The following PRLR variants were observed in gnomAD, a reference collection of about 807,000 sequenced individuals.
PRLR encodes the protein prolactin receptor.
A neutral mutation model predicts 40.2 loss-of-function variants in PRLR; 13 were observed. That is an observed-to-expected ratio of 0.32 (90% CI 0.21 to 0.51). The LOEUF is 0.51. Ranked by LOEUF, PRLR falls within the 20% of genes least tolerant of loss-of-function variation. The pLI, the probability that PRLR is intolerant of heterozygous loss-of-function variation, is 0.97. For missense variants in PRLR, 656 were observed against 747.3 expected, an observed-to-expected ratio of 0.88 and a Z score of 1.42; for synonymous variants, 269 against 278.7, an observed-to-expected ratio of 0.97 and a Z score of 0.35.
At chr5:35,154,513 A>G (rs1353965010) in intron 1 of PRLR, among the ~76,000 whole-genome samples, 1 of 152,162 alleles carries the variant, frequency 6.6e-6, no homozygotes, top group Non-Finnish European at 1.5e-5. Flanking sequence ...GGTTGCAGAG[A>G]AAAAGGAAGG....
chr5:35,227,795 T>C (rs1479980156), intron 1 of PRLR, among the ~76,000 whole-genome samples: 1 of 152,178 alleles, frequency 6.6e-6, no homozygotes, highest in Non-Finnish European at 1.5e-5. Context: ...CTCTCTACAG[T>C]TTCTGAAGAT....
At chr5:35,078,484 C>A (rs569801542) in intron 5 of PRLR, among the ~76,000 whole-genome samples, 2 of 152,184 alleles carry the variant, frequency 1.3e-5, no homozygotes, top group East Asian at 3.9e-4. Context: ...GACGCGTACA[C>A]CCTCCCAAGA....
chr5:35,069,038 C>A (rs1769581752), intron 7 of PRLR, among the ~76,000 whole-genome samples, 160 bp from the exon 8 acceptor site: 1 of 152,118 alleles, frequency 6.6e-6, no homozygotes, highest in Non-Finnish European at 1.5e-5. Context: ...CAGGGCTATT[C>A]TCTTTTAAAT....
intron 1 of PRLR, among the ~76,000 whole-genome samples, chr5:35,142,598 T>C (rs1397448854): frequency 6.6e-6 from 1 of 152,234 alleles, no homozygotes; most frequent in Non-Finnish European, 1.5e-5. Flanking sequence ...AGGAAATTAC[T>C]TGGAAACCTT....
chr5:35,204,173 G>C (rs1247518286), intron 1 of PRLR, among the ~76,000 whole-genome samples: 1 of 149,870 alleles, frequency 6.7e-6, no homozygotes, highest in Non-Finnish European at 1.5e-5. Flanking sequence ...ATGTTGCGCC[G>C]TTGTATTCCA....
chr5:35,198,852 C>T (rs1236983007), intron 1 of PRLR, among the ~76,000 whole-genome samples: 1 of 152,214 alleles, frequency 6.6e-6, no homozygotes, highest in African/African-American at 2.4e-5. Flanking sequence ...CCTCAACTTT[C>T]TCTCAGTAAG....
chr5:35,108,484 C>T (rs1772425026), intron 2 of PRLR, among the ~76,000 whole-genome samples: 1 of 151,834 alleles, frequency 6.6e-6, no homozygotes, highest in African/African-American at 2.4e-5. Flanking sequence ...CCCATCGTCT[C>T]AGCCCAAAAG....
intron 1 of PRLR, among the ~76,000 whole-genome samples, chr5:35,218,406 A>G (rs1400041657): frequency 6.7e-6 from 1 of 150,138 alleles, no homozygotes; most frequent in Non-Finnish European, 1.5e-5. Flanking sequence ...ATTAAAATAT[A>G]TAACTAGTTT....
Position 35,157,988 on chromosome 5 carries a change from T to C in PRLR, c.-105-39866A>G, listed in dbSNP as rs559535371. Among the ~76,000 whole-genome samples, 3 of 152,354 alleles carry C rather than the reference T, an allele frequency of 2.0e-5. No homozygotes were observed. The South Asian group carries it at 6.2e-4, about 32-fold the overall frequency. The stretch of plus-strand genomic sequence containing the variant: ...AAGCTCCCTCTATAAGCCAAATTTA[T>C]CTGCTAGCCTCACACTTTGAGTATT... On this transcript the variant is annotated intron_variant, in intron 1 of 9. Coordinates refer to ENST00000618457, the MANE Select transcript of PRLR (RefSeq NM_000949.7).
At chr5:35,067,386 A>T (rs1333468666) in intron 9 of PRLR, among the ~76,000 whole-genome samples, 1 of 152,164 alleles carries the variant, frequency 6.6e-6, no homozygotes, top group Admixed American at 6.5e-5. Context: ...TATCAGGCCA[A>T]TGCTACACTG....
At chr5:35,101,151 G>A (rs1366439863) in intron 2 of PRLR, among the ~76,000 whole-genome samples, 1 of 152,170 alleles carries the variant, frequency 6.6e-6, no homozygotes, top group African/African-American at 2.4e-5. Flanking sequence ...AACAATCTCA[G>A]TTTGGCTTCA....
chr5:35,056,939 C>G lies in PRLR; in HGVS notation c.*8150G>C, dbSNP rs900666357. On this transcript the variant is annotated 3_prime_UTR_variant, in exon 10 of 10. Coordinates refer to ENST00000618457, the MANE Select transcript of PRLR (RefSeq NM_000949.7). ...CAAAACCACACACCATTTCACAATT[C>G]TGGAACACGGACATGAACAGTAAGT... 6.6e-6 allele frequency: 1 copy of G among 152,160 alleles called. No individual in the cohort carries two copies. The highest frequency in any genetic ancestry group is 6.5e-5 in the Admixed American group (1 of 15,278). 9.4% of individuals were successfully genotyped at this position (152,160 alleles called of 1,614,324 possible). A position where few individuals can be genotyped will look rare whatever the true frequency, so the allele number is the denominator to read the frequency against.
chr5:35,174,355 G>A (rs2111956031), intron 1 of PRLR, among the ~76,000 whole-genome samples: 1 of 152,312 alleles, frequency 6.6e-6, no homozygotes. Flanking sequence ...CTCCCAAAGT[G>A]CTAGGATTAC....
chr5:35,186,280 T>TG (rs896312945), intron 1 of PRLR, among the ~76,000 whole-genome samples: 16 of 152,120 alleles, frequency 1.1e-4, no homozygotes, highest in Admixed American at 1.0e-3. Context: ...AATTTTTTTT[T>TG]GCTAGAAAAT....
chr5:35,134,181 T>TA (rs1004727829), intron 1 of PRLR, among the ~76,000 whole-genome samples: 7 of 151,054 alleles, frequency 4.6e-5, no homozygotes, highest in African/African-American at 7.3e-5. Flanking sequence ...CCTATGAAAA[T>TA]AAAAAAAATA....
chr5:35,126,255 C>G lies in PRLR; in HGVS notation c.-105-8133G>C, dbSNP rs540068045. Among the ~76,000 whole-genome samples the G allele has an allele frequency of 3.9e-5, 6 of 152,130 alleles. No homozygotes were observed. The East Asian group carries it at 1.2e-3, about 29-fold the overall frequency. On this transcript the variant is annotated intron_variant, in intron 1 of 9. Coordinates refer to ENST00000618457, the MANE Select transcript of PRLR (RefSeq NM_000949.7). ...TGAGTCCATGTACTGTTTTTTAGCCCGAGAGTGCCATGTGTAGTTTCTTTT... is the reference window on the plus strand; with the variant it reads ...TGAGTCCATGTACTGTTTTTTAGCCGGAGAGTGCCATGTGTAGTTTCTTTT...
At chr5:35,181,578 A>G (rs960824719) in intron 1 of PRLR, among the ~76,000 whole-genome samples, 15 of 152,208 alleles carry the variant, frequency 9.9e-5, no homozygotes, top group Admixed American at 9.8e-4. Flanking sequence ...ACAATTTGCC[A>G]TATCCAATTT....
chr5:35,105,448 C>T (rs368643937), intron 2 of PRLR, among the ~76,000 whole-genome samples: 1 of 152,138 alleles, frequency 6.6e-6, no homozygotes, highest in Non-Finnish European at 1.5e-5. Flanking sequence ...GGAGGGTGTT[C>T]AAACCCATCG....
chr5:35,071,462 A>G (rs1257252479), intron 6 of PRLR, among the ~76,000 whole-genome samples: 2 of 152,208 alleles, frequency 1.3e-5, no homozygotes, highest in African/African-American at 4.8e-5. Context: ...CCTATGTGTG[A>G]TCCTATTATT....
Sources: gnomAD v4.1 joint callset for allele counts (sites outside exome capture counted in the v4.1 genomes callset) on GRCh38, gnomAD v4.1.1 for gene constraint, MANE v1.5 for transcripts, NCBI Gene and HGNC (gene_info 2026-07-23, HGNC 2026-07-21) for gene names.